CCDC66: variants seen among roughly 807,000 people sequenced by gnomAD.
CCDC66 encodes coiled-coil domain containing 66.
Under a neutral mutation model 128.3 loss-of-function variants are expected in CCDC66, and 133 were observed. That is an observed-to-expected ratio of 1.04 (90% CI 0.90 to 1.20). CCDC66 has a LOEUF of 1.20. Among genes scored for constraint, CCDC66 ranks in the 50% most tolerant of loss-of-function variants. CCDC66 has a pLI of 0.00. For missense variants in CCDC66, 1,126 were observed against 1,075.5 expected, an observed-to-expected ratio of 1.05 and a Z score of -0.66; for synonymous variants, 387 against 357.0, an observed-to-expected ratio of 1.08 and a Z score of -0.95.
chr3:56,617,062 T>C (rs200161354), intron 13 of CCDC66, 50 bp from the exon 14 acceptor site: 38 of 1,337,140 alleles, frequency 2.8e-5, no homozygotes, highest in Admixed American at 1.6e-4. Flanking sequence ...TTATTTAATA[T>C]TGAAAATTTT....
rs375555706 is a variant in CCDC66, at chr3:56,583,948, C to T, written c.937-9022C>T. ...GGCTGCCCCCCACCTCCCTCCCGGA[C>T]GGGGCGGCTGGCCGGGCGGGGGCTG... On this transcript the variant is annotated intron_variant, in intron 7 of 17. Transcript: ENST00000394672. Among the ~76,000 whole-genome samples the T allele has an allele frequency of 3.1e-3, 220 of 71,406 alleles. 4 individuals are homozygous for T. The highest frequency in any genetic ancestry group is 5.0e-3 in the Middle Eastern group (1 of 200). 46.8% of individuals were successfully genotyped at this position (71,406 alleles called of 152,430 possible).
chr3:56,577,523 C>T (rs2067590820), intron 7 of CCDC66, among the ~76,000 whole-genome samples: 1 of 151,786 alleles, frequency 6.6e-6, no homozygotes, highest in Admixed American at 6.6e-5. Flanking sequence ...CCTAGGTTTA[C>T]TTCTAGGGTT....
In CCDC66 at chr3:56,619,271, G is replaced by A. The variant is rs1559786066; in HGVS notation, c.2379G>A (p.Arg793=). Residue 793 remains arginine (R), a splice_region_variant and synonymous_variant, in exon 16 of 18, where the codon AGG becomes AGA. Coordinates refer to ENST00000394672, the MANE Select transcript of CCDC66 (RefSeq NM_001141947.3). ...TTTTTACTATTTTTTTTTTAAATAG[G>A]TCTCCATCATCACCAGTTCCAGTAG... The part of the protein sequence containing the change: ...PLNIHSFSKE[R]SPSSPVPVVK... 1 of 1,571,834 alleles carries A rather than the reference G, an allele frequency of 6.4e-7. No individual in the cohort carries two copies.
chr3:56,563,928 C>G lies in CCDC66; in HGVS notation c.347C>G (p.Pro116Arg). Residue 116 changes from proline (P) to arginine (R), a missense_variant, in exon 4 of 18, where the codon CCT becomes CGT. Physicochemically the swap from Pro to Arg is moderately radical, Grantham distance 103. Transcript: ENST00000394672. ...HIQKEISPAT[P>R]NMQKTRNTVN... ...CAGAAAGAGATTTCACCTGCAACCC[C>G]TAATATGCAGAAGACTAGAAACACC... The G allele has an allele frequency of 6.2e-7, 1 of 1,613,754 alleles. No homozygotes were observed. The highest frequency in any genetic ancestry group is 2.2e-5 in the East Asian group (1 of 44,818).
rs1017221687 is a variant in CCDC66 at position 56,583,319 on chromosome 3, A to G, written c.937-9651A>G. Among the ~76,000 whole-genome samples, 13 of 151,908 alleles carry G rather than the reference A, an allele frequency of 8.6e-5. No homozygotes were observed. The East Asian group carries it at 2.6e-3, about 30-fold the overall frequency. Reference sequence around the variant, plus strand: ...AGGTTTTTGTTTGTTTGTTTGTTTTATTGATCATTCTTGGGTGTTTCTCCC... The same window carrying G: ...AGGTTTTTGTTTGTTTGTTTGTTTTGTTGATCATTCTTGGGTGTTTCTCCC... On this transcript the variant is annotated intron_variant, in intron 7 of 17. Coordinates refer to ENST00000394672, the MANE Select transcript of CCDC66 (RefSeq NM_001141947.3).
intron 12 of CCDC66, 104 bp downstream of exon 12, chr3:56,615,376 GCTAGAGTGCAGTGGTGCCATC>G: frequency 8.6e-7 from 1 of 1,159,606 alleles, no homozygotes; most frequent in Non-Finnish European, 1.2e-6. Flanking sequence ...TGTTGCACAG[GCTAGAGTGCAGTGGTGCCATC>G]ACAGCTCACT....
At chr3:56,590,868 C>G (rs1240111277) in intron 7 of CCDC66, among the ~76,000 whole-genome samples, 1 of 152,082 alleles carries the variant, frequency 6.6e-6, no homozygotes, top group Non-Finnish European at 1.5e-5. Context: ...AGTCAGTTAG[C>G]CTGGGAAAAG....
chr3:56,579,579 G>A (rs377022237), intron 7 of CCDC66, among the ~76,000 whole-genome samples: 2 of 151,226 alleles, frequency 1.3e-5, no homozygotes, highest in East Asian at 2.0e-4. Flanking sequence ...ACACTGCTTT[G>A]AATGTGTCCC....
rs2076655630 is a variant in CCDC66 at position 56,621,673 on chromosome 3, T to C, written c.*55T>C. On this transcript the variant is annotated 3_prime_UTR_variant, in exon 18 of 18. Transcript: ENST00000394672. Reference sequence around the variant, plus strand: ...TTTGTGTCTTCCAAATTATAAAATGTGCTCACTGGCTCAACTGTATTTTTC... The same window carrying C: ...TTTGTGTCTTCCAAATTATAAAATGCGCTCACTGGCTCAACTGTATTTTTC... The C allele has an allele frequency of 8.1e-7, 1 of 1,239,762 alleles. No homozygotes were observed. The highest frequency in any genetic ancestry group is 1.3e-5 in the South Asian group (1 of 75,456). The allele number at this position is 1,239,762 out of a possible 1,614,324, so 76.8% of individuals were successfully genotyped here.
intron 3 of CCDC66, chr3:56,560,845 C>G: frequency 2.2e-6 from 1 of 453,066 alleles, no homozygotes; most frequent in Non-Finnish European, 4.4e-6. Flanking sequence ...TACTACAGCC[C>G]CCTTTTATCT....
intron 7 of CCDC66, among the ~76,000 whole-genome samples, chr3:56,590,720 T>TC (rs1232265939): frequency 6.6e-6 from 1 of 151,190 alleles, no homozygotes; most frequent in Non-Finnish European, 1.5e-5. Context: ...GATTGTGCAC[T>TC]CCAGCCTGGG....
Position 56,575,431 on chromosome 3 carries a change from T to A in CCDC66, c.936+4129T>A, listed in dbSNP as rs79713701. Among the ~76,000 whole-genome samples, 96 of 151,838 alleles carry A rather than the reference T, an allele frequency of 6.3e-4. 8 individuals carry two copies. The East Asian group carries it at 0.018, about 28-fold the overall frequency. On this transcript the variant is annotated intron_variant, in intron 7 of 17. Transcript: ENST00000394672. ...AGATCCTTTGCCCATTTCAGTCAGG[T>A]TTTTTGGGGGTTTTTTTGTTGTTGA...
chr3:56,586,086 G>A (rs1577571889), intron 7 of CCDC66, among the ~76,000 whole-genome samples: 1 of 151,980 alleles, frequency 6.6e-6, no homozygotes, highest in African/African-American at 2.4e-5. Flanking sequence ...GTGAAGGACA[G>A]TGGAAGGAAA....
chr3:56,600,386 A>G (rs377493118), intron 10 of CCDC66, among the ~76,000 whole-genome samples: 2 of 152,006 alleles, frequency 1.3e-5, no homozygotes, highest in East Asian at 3.9e-4. Context: ...TGACCCCATG[A>G]TCGGGCTACC....
intron 5 of CCDC66, 62 bp from the exon 6 acceptor site, chr3:56,566,888 A>C: frequency 1.3e-6 from 2 of 1,496,714 alleles, no homozygotes; most frequent in Non-Finnish European, 1.8e-6. Context: ...CTTAATATTT[A>C]TGGAGTCAGT....
At chr3:56,593,195 C>A (rs1254193809) in intron 8 of CCDC66, 94 bp downstream of exon 8, 1 of 1,024,988 alleles carries the variant, frequency 9.8e-7, no homozygotes, top group Non-Finnish European at 1.4e-6. Flanking sequence ...CTTGACAAGA[C>A]CAGAATATTC....
chr3:56,621,378 G>A (rs998917095), intron 17 of CCDC66, 154 bp from the exon 18 acceptor site: 1 of 467,584 alleles, frequency 2.1e-6, no homozygotes, highest in Non-Finnish European at 3.8e-6. Flanking sequence ...TCCAAATGAG[G>A]TGGTCTAGTA....
intron 7 of CCDC66, among the ~76,000 whole-genome samples, chr3:56,580,054 G>C (rs912032075): frequency 7.9e-5 from 12 of 151,712 alleles, no homozygotes; most frequent in Non-Finnish European, 1.3e-4. Flanking sequence ...AAGTCTCTTT[G>C]TAGGTCTCTA....
intron 10 of CCDC66, among the ~76,000 whole-genome samples, chr3:56,600,149 C>CT (rs33981043): frequency 6.1e-5 from 7 of 115,020 alleles, no homozygotes; most frequent in African/African-American, 2.2e-4. Flanking sequence ...GTGCACTTAT[C>CT]TTTTTTTTTT....
Sources: allele counts gnomAD v4.1 joint callset (sites outside exome capture counted in the v4.1 genomes callset), GRCh38; gene constraint gnomAD v4.1.1; transcripts MANE v1.5; gene names NCBI Gene and HGNC (gene_info 2026-07-23, HGNC 2026-07-21).